The following EXOC6B variants were observed in gnomAD, a reference collection of about 807,000 sequenced individuals.
The protein encoded by EXOC6B is SEC15 homolog B.
Under a neutral mutation model 113.5 loss-of-function variants are expected in EXOC6B, and 54 were observed. The ratio of observed to expected loss-of-function variants is 0.48; its 90% CI spans 0.38 to 0.60. The LOEUF (loss-of-function observed/expected upper bound fraction) is 0.60. Among genes scored for constraint, EXOC6B ranks in the 20% least tolerant of loss-of-function variants. The probability of loss-of-function intolerance (pLI) is 0.00; values close to 1 mark genes in which losing one functional copy is unlikely to be tolerated. For synonymous variants in EXOC6B, 357 were observed against 339.0 expected (o/e 1.05, Z -0.58); for missense variants, 797 against 977.5 (o/e 0.82, Z 2.46).
intron 6 of EXOC6B, among the ~76,000 whole-genome samples, chr2:72,656,883 C>T (rs1266235185): frequency 6.6e-6 from 1 of 152,064 alleles, no homozygotes; most frequent in Non-Finnish European, 1.5e-5. Flanking sequence ...CGGAGTTTCG[C>T]TCTTGTTGCC....
chr2:72,623,939 T>C (rs1052109832), intron 6 of EXOC6B, among the ~76,000 whole-genome samples: 3 of 152,230 alleles, frequency 2.0e-5, no homozygotes, highest in Admixed American at 6.5e-5. Flanking sequence ...ACTTTGATAC[T>C]GTACCTGCAG....
intron 7 of EXOC6B, among the ~76,000 whole-genome samples, chr2:72,569,963 T>G (rs1384765444): frequency 6.6e-6 from 1 of 152,204 alleles, no homozygotes; most frequent in Non-Finnish European, 1.5e-5. Flanking sequence ...TTTTGTATAC[T>G]TTCCAAACAC....
At chr2:72,350,549 G>A (rs2104940568) in intron 19 of EXOC6B, among the ~76,000 whole-genome samples, 1 of 152,288 alleles carries the variant, frequency 6.6e-6, no homozygotes, top group East Asian at 1.9e-4. Context: ...AGCTCAGTTT[G>A]ATGTGGTGTT....
At position 72,563,724 on chromosome 2, in the gene EXOC6B, C is replaced by T. The variant is rs931557091; in HGVS notation, c.847-4203G>A. Among the ~76,000 whole-genome samples, 7 of 152,122 alleles carry T rather than the reference C, an allele frequency of 4.6e-5. No individual in the cohort carries two copies. In the East Asian group the frequency reaches 5.8e-4, roughly 13 times the overall value. On this transcript the variant is annotated intron_variant, in intron 7 of 21. Transcript: ENST00000272427. ...TCTGATTACAAAAATTTTTACAAAACGCCAGGATGTGACTTTTAGGATATC... is the reference window on the plus strand; with the variant it reads ...TCTGATTACAAAAATTTTTACAAAATGCCAGGATGTGACTTTTAGGATATC...
At chr2:72,302,288 G>A (rs1686579336) in intron 20 of EXOC6B, among the ~76,000 whole-genome samples, 1 of 152,204 alleles carries the variant, frequency 6.6e-6, no homozygotes, top group Admixed American at 6.5e-5. Context: ...CATGTGCCAT[G>A]TGGCAATGAG....
At chr2:72,726,656 CTT>C (rs1398777541) in intron 5 of EXOC6B, among the ~76,000 whole-genome samples, 2 of 151,894 alleles carry the variant, frequency 1.3e-5, no homozygotes, top group Non-Finnish European at 2.9e-5. Flanking sequence ...GACATAATAA[CTT>C]AACAATAATA....
chr2:72,410,345 T>A (rs938991469), intron 18 of EXOC6B, among the ~76,000 whole-genome samples: 25 of 152,238 alleles, frequency 1.6e-4, no homozygotes, highest in Non-Finnish European at 3.5e-4. Context: ...TTTTTATGAC[T>A]GTCTAAAAAC....
chr2:72,816,710 T>G (rs1442073486), intron 1 of EXOC6B, among the ~76,000 whole-genome samples: 1 of 152,248 alleles, frequency 6.6e-6, no homozygotes, highest in African/African-American at 2.4e-5. Flanking sequence ...ATATTTGATC[T>G]GATGATAACT....
intron 1 of EXOC6B, among the ~76,000 whole-genome samples, chr2:72,743,343 G>A (rs1440780433): frequency 6.6e-6 from 1 of 152,022 alleles, no homozygotes; most frequent in Non-Finnish European, 1.5e-5. Flanking sequence ...CTTTACTGCT[G>A]CCTGTAAGGC....
intron 6 of EXOC6B, among the ~76,000 whole-genome samples, chr2:72,708,475 A>C (rs1448915601): frequency 1.3e-5 from 2 of 152,212 alleles, no homozygotes; most frequent in African/African-American, 4.8e-5. Flanking sequence ...GATACTAAAC[A>C]GTTGCATTTA....
At chr2:72,679,377 A>G (rs1290347743) in intron 6 of EXOC6B, among the ~76,000 whole-genome samples, 1 of 152,144 alleles carries the variant, frequency 6.6e-6, no homozygotes, top group Non-Finnish European at 1.5e-5. Context: ...CCTATCTTGC[A>G]TATAACTTCA....
chr2:72,796,386 G>A (rs1474710743), intron 1 of EXOC6B, among the ~76,000 whole-genome samples: 3 of 150,552 alleles, frequency 2.0e-5, no homozygotes, highest in African/African-American at 7.3e-5. Context: ...CCAGGAGGTG[G>A]AGGTTGCAGT....
intron 20 of EXOC6B, among the ~76,000 whole-genome samples, chr2:72,295,565 T>C (rs974710926): frequency 1.3e-5 from 2 of 152,192 alleles, no homozygotes; most frequent in African/African-American, 4.8e-5. Flanking sequence ...TTAAGTTTAA[T>C]GAGTGTTTAT....
chr2:72,502,175 CA>C (rs1264441973), intron 11 of EXOC6B, among the ~76,000 whole-genome samples: 2 of 152,216 alleles, frequency 1.3e-5, no homozygotes, highest in Non-Finnish European at 2.9e-5. Context: ...TTTTGGCATA[CA>C]TTTTATTTAA....
In EXOC6B at chr2:72,644,340, T is replaced by C. The variant is rs533397208; in HGVS notation, c.670-68672A>G. 8.7e-4 allele frequency among the ~76,000 whole-genome samples: 133 copies of C among 152,166 alleles called. 1 individual carries two copies. Among genetic ancestry groups the C allele is most frequent in the African/African-American group, 3.1e-3 (127 of 41,528 alleles). On this transcript the variant is annotated intron_variant, in intron 6 of 21. Transcript: ENST00000272427. ...GTTTGATTGGTGTACCTGAAAATGATGGGAAGAATGGAACCAAGTTGGAAA... is the reference window on the plus strand; with the variant it reads ...GTTTGATTGGTGTACCTGAAAATGACGGGAAGAATGGAACCAAGTTGGAAA...
chr2:72,544,101 T>G (rs1473741189), intron 8 of EXOC6B, among the ~76,000 whole-genome samples: 2 of 152,188 alleles, frequency 1.3e-5, no homozygotes, highest in African/African-American at 4.8e-5. Context: ...CAGATGAATA[T>G]TTTGAGATGG....
At chr2:72,492,655 A>T (rs1364925767) in intron 15 of EXOC6B, among the ~76,000 whole-genome samples, 1 of 122,590 alleles carries the variant, frequency 8.2e-6, no homozygotes, top group Non-Finnish European at 1.8e-5. Context: ...TGTCTATAGA[A>T]TTCTGGCTGT....
chr2:72,402,955 A>C (rs1446122172), intron 18 of EXOC6B, among the ~76,000 whole-genome samples: 1 of 152,226 alleles, frequency 6.6e-6, no homozygotes, highest in African/African-American at 2.4e-5. Context: ...GCAACAACAA[A>C]AAACAAACCC....
chr2:72,454,504 A>T (rs563053871), intron 18 of EXOC6B, among the ~76,000 whole-genome samples: 23 of 152,108 alleles, frequency 1.5e-4, no homozygotes, highest in Admixed American at 2.0e-4. Context: ...GACTATCTCA[A>T]CAACAACAAC....
Sources: gnomAD v4.1 joint callset for allele counts (sites outside exome capture counted in the v4.1 genomes callset) on GRCh38, gnomAD v4.1.1 for gene constraint, MANE v1.5 for transcripts, NCBI Gene and HGNC (gene_info 2026-07-23, HGNC 2026-07-21) for gene names.